Variants in LTBP1 observed in about 807,000 individuals in gnomAD.
The protein encoded by LTBP1 is latent transforming growth factor beta binding protein 1.
Under a neutral mutation model 207.6 loss-of-function variants are expected in LTBP1, and 129 were observed. That is an observed-to-expected ratio of 0.62 (90% CI 0.54 to 0.72). The LOEUF is 0.72. Ranked by LOEUF, LTBP1 falls within the 30% of genes least tolerant of loss-of-function variation. The pLI, the probability that LTBP1 is intolerant of heterozygous loss-of-function variation, is 0.00. For synonymous variants in LTBP1, 963 were observed against 833.7 expected (o/e 1.16, Z -2.67); for missense variants, 2,281 against 2,217.2 (o/e 1.03, Z -0.58).
At chr2:33,208,624 C>T (rs1443545778) in intron 7 of LTBP1, among the ~76,000 whole-genome samples, 1 of 152,196 alleles carries the variant, frequency 6.6e-6, no homozygotes, top group Non-Finnish European at 1.5e-5. Flanking sequence ...ACCTGAGGAA[C>T]ACCGACCTTC....
intron 4 of LTBP1, among the ~76,000 whole-genome samples, chr2:33,124,920 G>T (rs2081344988): frequency 6.6e-6 from 1 of 152,164 alleles, no homozygotes; most frequent in South Asian, 2.1e-4. Context: ...GGGTGGTTTT[G>T]TATTCTTTCC....
chr2:33,301,775 T>C, intron 22 of LTBP1, 131 bp downstream of exon 22: 1 of 755,882 alleles, frequency 1.3e-6, no homozygotes, highest in Non-Finnish European at 2.0e-6. Flanking sequence ...CTGCAAAGTG[T>C]CTTCCCCGGG....
intron 14 of LTBP1, 112 bp downstream of exon 14, chr2:33,262,933 T>C: frequency 1.5e-6 from 1 of 651,536 alleles, no homozygotes; most frequent in Non-Finnish European, 2.7e-6. Context: ...ATAACTGAAG[T>C]TCAGTGTTAA....
chr2:33,339,897 G>A (rs35431236), intron 24 of LTBP1, among the ~76,000 whole-genome samples: 11 of 151,866 alleles, frequency 7.2e-5, no homozygotes, highest in South Asian at 6.2e-4. Context: ...TGCCTGTCTC[G>A]GCCTCCCAAA....
At chr2:33,028,043 T>C (rs2075512628) in intron 3 of LTBP1, among the ~76,000 whole-genome samples, 1 of 152,124 alleles carries the variant, frequency 6.6e-6, no homozygotes, top group African/African-American at 2.4e-5. Flanking sequence ...AGGTAGTGTG[T>C]TGAGGAGCTG....
chr2:33,152,539 C>T (rs1408211769), intron 5 of LTBP1, among the ~76,000 whole-genome samples: 1 of 152,128 alleles, frequency 6.6e-6, no homozygotes, highest in South Asian at 2.1e-4. Context: ...GTAGAACTAC[C>T]ATTTGATCCA....
intron 3 of LTBP1, among the ~76,000 whole-genome samples, chr2:33,051,931 G>A (rs1558566935): frequency 6.6e-6 from 1 of 152,182 alleles, no homozygotes; most frequent in African/African-American, 2.4e-5. Flanking sequence ...CTCTTTAAAA[G>A]TTTTATTTGA....
At chr2:33,257,542 A>G (rs2092898172) in intron 12 of LTBP1, 31 bp downstream of exon 12, 2 of 1,553,492 alleles carry the variant, frequency 1.3e-6, no homozygotes, top group Non-Finnish European at 1.8e-6. Flanking sequence ...TGGACTCTAG[A>G]CATCTATCTG....
Position 33,278,446 on chromosome 2 carries a change from A to AT in LTBP1, c.2993-1589dup, listed in dbSNP as rs1490050413. 5.3e-5 allele frequency among the ~76,000 whole-genome samples: 8 copies of AT among 152,256 alleles called. No individual in the cohort carries two copies. In the East Asian group the frequency reaches 1.5e-3, roughly 29 times the overall value. The stretch of plus-strand genomic sequence containing the variant: ...TCCCCGGGCTTCTGGCACACAGAAG[A>AT]TTTTCTCAGCTGTCACTAACGAAGT... On this transcript the variant is annotated intron_variant, in intron 18 of 33. Transcript: ENST00000404816.
intron 2 of LTBP1, among the ~76,000 whole-genome samples, chr2:32,980,106 T>C (rs1682529621): frequency 6.6e-6 from 1 of 151,624 alleles, no homozygotes; most frequent in Non-Finnish European, 1.5e-5. Context: ...GTTAGTTTTT[T>C]TAAATGCATT....
rs71409607 is a variant in LTBP1 at position 33,293,995 on chromosome 2, C to CTTTTTTT, written c.3235+735_3235+741dup. On this transcript the variant is annotated intron_variant, in intron 20 of 33. Coordinates refer to ENST00000404816, the MANE Select transcript of LTBP1 (RefSeq NM_206943.4). ...ATTAGTGAACAAAACTGGTACAGGTCTTTTTTTTTTTTTTTTTTTTTTTTT... is the reference window on the plus strand; with the variant it reads ...ATTAGTGAACAAAACTGGTACAGGTCTTTTTTTTTTTTTTTTTTTTTTTTTTTTTTTT... 2.5e-3 allele frequency among the ~76,000 whole-genome samples: 120 copies of CTTTTTTT among 48,838 alleles called. 24 individuals are homozygous for CTTTTTTT. Among genetic ancestry groups the CTTTTTTT allele is most frequent in the African/African-American group, 7.9e-3 (91 of 11,542 alleles). 32.0% of individuals were successfully genotyped at this position (48,838 alleles called of 152,430 possible).
chr2:33,188,537 T>A, intron 6 of LTBP1, 40 bp from the exon 7 acceptor site: 1 of 1,530,722 alleles, frequency 6.5e-7, no homozygotes, highest in Non-Finnish European at 8.9e-7. Context: ...TGCCTGTTAG[T>A]TATTCAGGAC....
chr2:32,973,215 A>G (rs1681181550), intron 2 of LTBP1, among the ~76,000 whole-genome samples: 1 of 152,012 alleles, frequency 6.6e-6, no homozygotes, highest in Non-Finnish European at 1.5e-5. Flanking sequence ...TGCCCTGATG[A>G]TCTGTCTAAT....
chr2:32,962,406 A>G (rs913473411), intron 2 of LTBP1, among the ~76,000 whole-genome samples: 1 of 152,362 alleles, frequency 6.6e-6, no homozygotes, highest in African/African-American at 2.4e-5. Flanking sequence ...AATACAGACA[A>G]TAAGTAAATT....
intron 32 of LTBP1, among the ~76,000 whole-genome samples, chr2:33,392,558 C>A (rs975019452): frequency 3.3e-5 from 5 of 152,104 alleles, no homozygotes; most frequent in African/African-American, 1.2e-4. Context: ...TGTAGTTTCA[C>A]AAAAGCAGCC....
At chr2:33,334,701 T>C (rs1374382043) in intron 24 of LTBP1, among the ~76,000 whole-genome samples, 4 of 152,096 alleles carry the variant, frequency 2.6e-5, no homozygotes, top group African/African-American at 9.7e-5. Context: ...TACATAGTGG[T>C]TGACAAAAAT....
At chr2:33,201,832 A>T (rs1306355749) in intron 7 of LTBP1, among the ~76,000 whole-genome samples, 2 of 152,124 alleles carry the variant, frequency 1.3e-5, no homozygotes, top group Non-Finnish European at 2.9e-5. Context: ...TTAGGGCAAA[A>T]TTGGGTTAAA....
intron 2 of LTBP1, among the ~76,000 whole-genome samples, chr2:33,016,811 T>TCTC (rs1226756431): frequency 2.6e-5 from 4 of 152,142 alleles, no homozygotes; most frequent in Non-Finnish European, 5.9e-5. Context: ...TCACCTGAGG[T>TCTC]CAGGAGTTCA....
At chr2:33,191,187 C>T (rs568382926) in intron 7 of LTBP1, among the ~76,000 whole-genome samples, 18 of 152,188 alleles carry the variant, frequency 1.2e-4, no homozygotes, top group African/African-American at 4.3e-4. Context: ...GAAAATGAGG[C>T]ATAACAAACT....
Sources: allele counts gnomAD v4.1 joint callset (sites outside exome capture counted in the v4.1 genomes callset), GRCh38; gene constraint gnomAD v4.1.1; transcripts MANE v1.5; gene names NCBI Gene and HGNC (gene_info 2026-07-23, HGNC 2026-07-21).